Variants in PLEKHG6 observed in about 807,000 individuals in gnomAD.
PLEKHG6 encodes pleckstrin homology and RhoGEF domain containing G6.
A neutral mutation model predicts 97.5 loss-of-function variants in PLEKHG6; 91 were observed. The ratio of observed to expected loss-of-function variants is 0.93; its 90% CI spans 0.79 to 1.11. PLEKHG6 has a LOEUF of 1.11. Among genes scored for constraint, PLEKHG6 ranks in the 50% most tolerant of loss-of-function variants. The probability of loss-of-function intolerance (pLI) is 0.00; values close to 1 mark genes in which losing one functional copy is unlikely to be tolerated. For synonymous variants in PLEKHG6, 466 were observed against 425.5 expected (o/e 1.10, Z -1.17); for missense variants, 1,044 against 1,031.0 (o/e 1.01, Z -0.17).
At chr12:6,317,769 G>C in intron 9 of PLEKHG6, 73 bp downstream of exon 9, 1 of 1,576,514 alleles carries the variant, frequency 6.3e-7, no homozygotes, top group Non-Finnish European at 8.6e-7. Context: ...TAGTGTGTCT[G>C]TGACAGTGTG....
chr12:6,311,295 G>A (rs1947256482), intron 1 of PLEKHG6, among the ~76,000 whole-genome samples: 1 of 152,226 alleles, frequency 6.6e-6, no homozygotes, highest in Non-Finnish European at 1.5e-5. Context: ...TATTCCCAGA[G>A]TCTGGGGAGG....
In PLEKHG6 at chr12:6,327,662, G is replaced by GC. The variant is rs1297448815; in HGVS notation, c.2080dup (p.Leu694ProfsTer9). ...TCCACAGGGCCCGGCTTCGGGGCCA[G>GC]CTTCCCTCCTCCCCAACCCATGCTG... is the stretch of plus-strand genomic sequence containing the variant. On this transcript the variant is annotated frameshift_variant, in exon 15 of 16. Coordinates refer to ENST00000684764, the MANE Select transcript of PLEKHG6 (RefSeq NM_001384598.1). LOFTEE classifies it high-confidence loss of function. 1 of 1,560,044 alleles carries GC rather than the reference G, an allele frequency of 6.4e-7. No homozygotes were observed. Among genetic ancestry groups the GC allele is most frequent in the Non-Finnish European group, 8.7e-7 (1 of 1,148,026 alleles).
chr12:6,319,456 A>T (rs984527960), intron 13 of PLEKHG6: 64 of 1,293,250 alleles, frequency 4.9e-5, no homozygotes, highest in Middle Eastern at 1.9e-4. Context: ...GAAGAAGGAA[A>T]AAAAAAAGAA....
intron 3 of PLEKHG6, 77 bp downstream of exon 3, chr12:6,313,861 C>T (rs1210776965): frequency 2.9e-6 from 4 of 1,385,632 alleles, no homozygotes; most frequent in Non-Finnish European, 1.9e-6. Flanking sequence ...CAGCAAGCTC[C>T]GGGAGCTGAG....
rs761153193 is a variant in PLEKHG6 at position 6,312,323 on chromosome 12, A to C, written c.97A>C (p.Ser33Arg). 7 of 1,581,874 alleles carry C rather than the reference A, an allele frequency of 4.4e-6. No homozygotes were observed. In the African/African-American group the frequency reaches 9.7e-5, roughly 22 times the overall value. Residue 33 changes from serine (S) to arginine (R), a missense_variant, in exon 2 of 16, where the codon AGC (serine) becomes CGC (arginine). Physicochemically the swap from Ser to Arg is moderately radical, Grantham distance 110. Transcript: ENST00000684764. ...GGGCCGGCATCGAGCCTCTGCTCAG[A>C]GCACTGCTGGCAGACTCTATCCCCG... ...YGGRHRASAQ[S>R]TAGRLYPRGY...
intron 11 of PLEKHG6, 58 bp from the exon 12 acceptor site, chr12:6,318,687 C>G: frequency 6.3e-7 from 1 of 1,579,736 alleles, no homozygotes; most frequent in African/African-American, 1.3e-5. Context: ...CCTCCCGGAC[C>G]AGCCCTGCCC....
chr12:6,318,518 G>T (rs1471371873), intron 11 of PLEKHG6, 98 bp downstream of exon 11: 1 of 1,432,294 alleles, frequency 7.0e-7, no homozygotes, highest in South Asian at 1.4e-5. Flanking sequence ...TTGGGGAAGA[G>T]GATGTGGTTC....
chr12:6,318,534 A>G (rs983523267), intron 11 of PLEKHG6, 114 bp downstream of exon 11: 3 of 1,356,874 alleles, frequency 2.2e-6, no homozygotes, highest in Non-Finnish European at 3.0e-6. Flanking sequence ...GGTTCTGGCT[A>G]AGCCCCAGTC....
chr12:6,318,318 C>T lies in PLEKHG6; in HGVS notation c.1173C>T (p.Ser391=). 6.2e-7 allele frequency: 1 copy of T among 1,614,152 alleles called. No individual in the cohort carries two copies. The highest frequency in any genetic ancestry group is 1.1e-5 in the South Asian group (1 of 91,092). Residue 391 remains serine (S), a synonymous_variant, in exon 11 of 16, where the codon TCC becomes TCT. Transcript: ENST00000684764. ...TCCCTCAGAACCTGCGCCCATTCTC[C>T]ACCCTGGACCTGACGTCCCCCATGC... ...DEVEKNLRPF[S]TLDLTSPMLG...
intron 14 of PLEKHG6, among the ~76,000 whole-genome samples, 196 bp downstream of exon 14, chr12:6,326,769 G>A (rs960625187): frequency 6.6e-6 from 1 of 152,196 alleles, no homozygotes; most frequent in African/African-American, 2.4e-5. Context: ...TGGAGGTGGG[G>A]GATAGGGCAC....
intron 15 of PLEKHG6, 61 bp downstream of exon 15, chr12:6,328,007 G>A: frequency 6.4e-7 from 1 of 1,553,098 alleles, no homozygotes; most frequent in Middle Eastern, 1.7e-4. Context: ...TATGGTGGTG[G>A]GGTGTAGTAT....
In PLEKHG6 at chr12:6,317,642, T is replaced by A. The variant is rs771736951; in HGVS notation, c.963T>A (p.His321Gln). The change falls in exon 9 of 16, where the codon CAT becomes CAA. Residue 321 changes from histidine (H) to glutamine (Q), a missense_variant. By Grantham distance (24) the His-to-Gln change is conservative. Coordinates refer to ENST00000684764, the MANE Select transcript of PLEKHG6 (RefSeq NM_001384598.1). ...QRITKYPLLL[H>Q]AVLKRSPEAR... ...TCACCAAGTACCCACTGCTGCTCCA[T>A]GCTGTGCTCAAGAGGAGCCCCGAGG... 3.7e-5 allele frequency: 59 copies of A among 1,614,020 alleles called. No homozygotes were observed. Among genetic ancestry groups the A allele is most frequent in the Non-Finnish European group, 5.0e-5 (59 of 1,180,014 alleles).
At chr12:6,319,369 G>A (rs893182553) in intron 13 of PLEKHG6, 25 of 671,478 alleles carry the variant, frequency 3.7e-5, no homozygotes, top group Admixed American at 5.9e-5. Flanking sequence ...AATCACTTGA[G>A]CCCGGGAAGT....
At chr12:6,314,546 T>C (rs1038167226) in intron 3 of PLEKHG6, among the ~76,000 whole-genome samples, 8 of 151,992 alleles carry the variant, frequency 5.3e-5, no homozygotes, top group African/African-American at 1.9e-4. Context: ...ATGTAAGCCA[T>C]GCTGCTTCAT....
intron 13 of PLEKHG6, among the ~76,000 whole-genome samples, chr12:6,320,899 C>A (rs1947680996): frequency 6.6e-6 from 1 of 152,194 alleles, no homozygotes; most frequent in East Asian, 1.9e-4. Context: ...AAGTATGGAG[C>A]ACAGTGTTTG....
intron 13 of PLEKHG6, among the ~76,000 whole-genome samples, chr12:6,322,710 A>G (rs1308421562): frequency 2.0e-5 from 3 of 151,946 alleles, no homozygotes; most frequent in African/African-American, 7.3e-5. Flanking sequence ...GCAAAACCCC[A>G]TCTTTACAAA....
intron 2 of PLEKHG6, 185 bp downstream of exon 2, chr12:6,312,549 C>G: frequency 8.7e-7 from 1 of 1,151,704 alleles, no homozygotes; most frequent in Non-Finnish European, 1.1e-6. Flanking sequence ...GATATCACAC[C>G]CCAGTCCCAG....
At chr12:6,319,241 A>T in intron 13 of PLEKHG6, 133 bp downstream of exon 13, 2 of 648,434 alleles carry the variant, frequency 3.1e-6, no homozygotes, top group South Asian at 1.9e-5. Context: ...TGAGGTCAGG[A>T]GTTTGAGACC....
chr12:6,310,475 G>A (rs555452168), upstream of PLEKHG6: 165 of 152,392 alleles, frequency 1.1e-3, 1 homozygote, highest in Admixed American at 5.0e-3. Context: ...GAGGGCGCGC[G>A]GTCCCAGCCC....
Sources: gnomAD v4.1 joint callset for allele counts (sites outside exome capture counted in the v4.1 genomes callset) on GRCh38, gnomAD v4.1.1 for gene constraint, MANE v1.5 for transcripts, NCBI Gene and HGNC (gene_info 2026-07-23, HGNC 2026-07-21) for gene names.